The following DYNLT2B variants were observed in gnomAD, a reference collection of about 807,000 sequenced individuals.
DYNLT2B encodes dynein light chain Tctex-type protein 2B.
DYNLT2B carries 14 observed loss-of-function variants against 19.5 expected under a neutral mutation model. That is an observed-to-expected ratio of 0.72 (90% CI 0.47 to 1.12). The LOEUF is 1.12. Among genes scored for constraint, DYNLT2B ranks in the 50% most tolerant of loss-of-function variants. The pLI is 0.00. For missense variants in DYNLT2B, 133 were observed against 174.7 expected (o/e 0.76, Z 1.35); for synonymous variants, 70 against 59.7 (o/e 1.17, Z -0.79).
chr3:196,312,072 G>A (rs898745678), intron 2 of DYNLT2B, among the ~76,000 whole-genome samples: 14 of 152,106 alleles, frequency 9.2e-5, no homozygotes, highest in Non-Finnish European at 1.5e-4. Flanking sequence ...TAGAGACAGG[G>A]TTTCTCCATG....
chr3:196,307,430 G>A (rs1726517062), intron 2 of DYNLT2B, among the ~76,000 whole-genome samples: 2 of 151,976 alleles, frequency 1.3e-5, no homozygotes, highest in South Asian at 4.1e-4. Context: ...AGCCTCCTCA[G>A]TAGCTGGGAC....
chr3:196,307,525 A>T (rs1453045989), intron 2 of DYNLT2B, among the ~76,000 whole-genome samples: 8 of 151,784 alleles, frequency 5.3e-5, no homozygotes, highest in Non-Finnish European at 5.9e-5. Context: ...CTGGTCTCGA[A>T]CTCCTGACCT....
At chr3:196,309,360 G>A (rs1726572300) in intron 2 of DYNLT2B, among the ~76,000 whole-genome samples, 1 of 152,046 alleles carries the variant, frequency 6.6e-6, no homozygotes, top group Non-Finnish European at 1.5e-5. Flanking sequence ...CTGCCTCCTG[G>A]GTTCAAGCAA....
chr3:196,296,936 A>C (rs934709634), intron 3 of DYNLT2B, among the ~76,000 whole-genome samples: 2 of 151,736 alleles, frequency 1.3e-5, no homozygotes, highest in African/African-American at 2.4e-5. Context: ...TTAAAAAAAA[A>C]ACAATTCTGC....
chr3:196,304,003 A>T (rs960851173), intron 3 of DYNLT2B, among the ~76,000 whole-genome samples: 1 of 152,226 alleles, frequency 6.6e-6, no homozygotes, highest in Admixed American at 6.5e-5. Flanking sequence ...AGCGTGGGCG[A>T]CAGAGCAAGA....
At chr3:196,298,505 G>A (rs1726275620) in intron 3 of DYNLT2B, among the ~76,000 whole-genome samples, 1 of 151,838 alleles carries the variant, frequency 6.6e-6, no homozygotes, top group Non-Finnish European at 1.5e-5. Flanking sequence ...GTAGAGACAG[G>A]GTTTCACCAT....
At position 196,300,723 on chromosome 3, in the gene DYNLT2B, C is replaced by G. The variant is rs553741632; in HGVS notation, c.318-4654G>C. Among the ~76,000 whole-genome samples, 128 of 118,946 alleles carry G rather than the reference C, an allele frequency of 1.1e-3. 1 individual carries two copies. The highest frequency in any genetic ancestry group is 3.7e-3 in the African/African-American group (122 of 33,184). The allele number at this position is 118,946 out of a possible 152,430, so 78.0% of individuals were successfully genotyped here. On this transcript the variant is annotated intron_variant, in intron 3 of 4. Transcript: ENST00000325318. Reference sequence around the variant, plus strand: ...CAGCCTGGGCAACAAGAATGAAACTCTGTCTCCAAAAAAAAAAAAAAAAAA... The same window carrying G: ...CAGCCTGGGCAACAAGAATGAAACTGTGTCTCCAAAAAAAAAAAAAAAAAA...
In DYNLT2B at chr3:196,318,239, G is replaced by A. The variant is rs935179370; in HGVS notation, c.-87C>T. On this transcript the variant is annotated 5_prime_UTR_variant, in exon 1 of 5. Transcript: ENST00000325318. ...CGGCAGCAGGGAAAGCGTCTCCAGGGCAACAGGGCCGCCCTCCCGCCTCGC... is the reference window on the plus strand; with the variant it reads ...CGGCAGCAGGGAAAGCGTCTCCAGGACAACAGGGCCGCCCTCCCGCCTCGC... 1.1e-5 allele frequency: 7 copies of A among 661,652 alleles called. No homozygotes were observed. The African/African-American group carries it at 1.2e-4, about 11-fold the overall frequency. The allele number at this position is 661,652 out of a possible 1,614,324, so 41.0% of individuals were successfully genotyped here.
intron 4 of DYNLT2B, 40 bp downstream of exon 4, chr3:196,295,966 C>T (rs771302715): frequency 1.3e-6 from 2 of 1,563,676 alleles, no homozygotes; most frequent in Non-Finnish European, 1.8e-6. Flanking sequence ...GCGGTGCCCA[C>T]GTTCTTAGAA....
At chr3:196,307,808 G>A (rs891453125) in intron 2 of DYNLT2B, among the ~76,000 whole-genome samples, 5 of 151,376 alleles carry the variant, frequency 3.3e-5, no homozygotes, top group East Asian at 2.0e-4. Context: ...GGCCGGGCAC[G>A]GTGGCTCACG....
At chr3:196,316,301 T>G (rs1168389204) in intron 1 of DYNLT2B, 70 bp from the exon 2 acceptor site, 8 of 1,494,516 alleles carry the variant, frequency 5.4e-6, no homozygotes, top group African/African-American at 1.4e-5. Flanking sequence ...TACCGCAACT[T>G]CTCCCATCTT....
chr3:196,305,352 A>G (rs1560189562), intron 3 of DYNLT2B, among the ~76,000 whole-genome samples: 2 of 152,178 alleles, frequency 1.3e-5, no homozygotes, highest in Admixed American at 6.5e-5. Flanking sequence ...GCTAATTAAG[A>G]CTAGATCTAA....
At position 196,318,036 on chromosome 3, in the gene DYNLT2B, C is replaced by A. The variant is rs755583381; in HGVS notation, c.113+4G>T. 4 of 1,515,812 alleles carry A rather than the reference C, an allele frequency of 2.6e-6. No homozygotes were observed. The highest frequency in any genetic ancestry group is 3.5e-6 in the Non-Finnish European group (4 of 1,131,878). 93.9% of individuals were successfully genotyped at this position (1,515,812 alleles called of 1,614,324 possible). A position where few individuals can be genotyped will look rare whatever the true frequency, so the allele number is the denominator to read the frequency against. ...CGCCCCGCCACAGCCCGTCCTCTAC[C>A]CGCCTCTGCTGGAAAACAGGCCGCA... On this transcript the variant is annotated splice_donor_region_variant and intron_variant, in intron 1 of 4. Coordinates refer to ENST00000325318, the MANE Select transcript of DYNLT2B (RefSeq NM_152773.5).
chr3:196,293,523 GGCTGGGGCA>G (rs1194129659), intron 4 of DYNLT2B, among the ~76,000 whole-genome samples: 2 of 151,906 alleles, frequency 1.3e-5, no homozygotes, highest in Non-Finnish European at 2.9e-5. Flanking sequence ...CTACTCGGGA[GGCTGGGGCA>G]GGAGAATTAC....
At chr3:196,296,328 G>T in intron 3 of DYNLT2B, 1 of 376,828 alleles carries the variant, frequency 2.7e-6, no homozygotes, top group Non-Finnish European at 4.8e-6. Context: ...CTACCTGATG[G>T]CTACAGGGAT....
chr3:196,291,226 G>T lies in DYNLT2B; in HGVS notation c.*101C>A. On this transcript the variant is annotated 3_prime_UTR_variant, in exon 5 of 5. Coordinates refer to ENST00000325318, the MANE Select transcript of DYNLT2B (RefSeq NM_152773.5). ...GGCCTAAAACACAACAGATTCAGTT[G>T]TCAAACTACTAACATCTTTATTTTG... 1.8e-6 allele frequency: 2 copies of T among 1,089,138 alleles called. No individual in the cohort carries two copies. The highest frequency in any genetic ancestry group is 2.6e-6 in the Non-Finnish European group (2 of 758,098). 67.5% of individuals were successfully genotyped at this position (1,089,138 alleles called of 1,614,324 possible).
At chr3:196,298,100 C>T (rs1050381977) in intron 3 of DYNLT2B, 5 of 322,942 alleles carry the variant, frequency 1.5e-5, no homozygotes, top group African/African-American at 1.1e-4. Flanking sequence ...GTCTCCTTTC[C>T]AGTTGTGCCT....
At chr3:196,309,576 T>A (rs1726578723) in intron 2 of DYNLT2B, among the ~76,000 whole-genome samples, 1 of 151,726 alleles carries the variant, frequency 6.6e-6, no homozygotes, top group Admixed American at 6.6e-5. Flanking sequence ...ACAAAACAAT[T>A]TTTCAAAAAA....
chr3:196,313,633 A>G (rs1726697725), intron 2 of DYNLT2B, among the ~76,000 whole-genome samples: 2 of 152,228 alleles, frequency 1.3e-5, no homozygotes, highest in Non-Finnish European at 2.9e-5. Context: ...TAAAAAGTCT[A>G]AAAACAAAAA....
Sources: gnomAD v4.1 joint callset for allele counts (sites outside exome capture counted in the v4.1 genomes callset) on GRCh38, gnomAD v4.1.1 for gene constraint, MANE v1.5 for transcripts, NCBI Gene and HGNC (gene_info 2026-07-23, HGNC 2026-07-21) for gene names.